Variants in TMPRSS9 observed in about 807,000 individuals in gnomAD.
TMPRSS9 encodes the protein transmembrane protease serine 9.
A neutral mutation model predicts 111.4 loss-of-function variants in TMPRSS9; 113 were observed. The ratio of observed to expected loss-of-function variants is 1.01; its 90% CI spans 0.87 to 1.19. TMPRSS9 has a LOEUF of 1.19. Ranked by LOEUF, TMPRSS9 falls within the 50% of genes most tolerant of loss-of-function variation. The probability of loss-of-function intolerance (pLI) is 0.00; values close to 1 mark genes in which losing one functional copy is unlikely to be tolerated. For synonymous variants in TMPRSS9, 805 were observed against 659.1 expected (o/e 1.22, Z -3.39); for missense variants, 1,803 against 1,513.1 (o/e 1.19, Z -3.18).
At chr19:2,362,057 G>A (rs1228295433) in intron 1 of TMPRSS9, among the ~76,000 whole-genome samples, 1 of 152,006 alleles carries the variant, frequency 6.6e-6, no homozygotes, top group African/African-American at 2.4e-5. Flanking sequence ...AATTGTGTCT[G>A]TAGCTGCATA....
At chr19:2,425,409 G>T (rs1340847581) in exon 17 of TMPRSS9, 4 of 1,574,058 alleles carry the variant, frequency 2.5e-6, no homozygotes, top group Middle Eastern at 1.7e-4. Flanking sequence ...TCAGCGAGCA[G>T]ACCTGCCGCC....
intron 1 of TMPRSS9, among the ~76,000 whole-genome samples, chr19:2,363,561 C>T (rs1354090519): frequency 1.3e-5 from 2 of 151,650 alleles, no homozygotes; most frequent in African/African-American, 2.4e-5. Context: ...TCGCGTGATT[C>T]CCCGTGCATC....
At chr19:2,415,193 C>T (rs1171057946) in intron 10 of TMPRSS9, among the ~76,000 whole-genome samples, 1 of 152,056 alleles carries the variant, frequency 6.6e-6, no homozygotes. Context: ...GATCTGCCCG[C>T]CTTGGCCTCC....
upstream of TMPRSS9, among the ~76,000 whole-genome samples, chr19:2,385,320 C>T (rs72989467): frequency 0.048 from 7,367 of 151,956 alleles, 210 homozygotes; most frequent in African/African-American, 0.076. Context: ...CCTCAGGGGC[C>T]GACAGCTGCC....
rs748488574 is a variant in TMPRSS9, at chr19:2,408,605, C to T, written c.1092C>T (p.Gly364=). The T allele has an allele frequency of 1.9e-6, 3 of 1,612,686 alleles. No individual in the cohort carries two copies. In the South Asian group the frequency reaches 3.3e-5, roughly 18 times the overall value. The stretch of plus-strand genomic sequence containing the variant: ...CCAGCAAGAAGTGCCTGATCTCAGG[C>T]TGGGGCTACCTCAAGGAGGACTTCC... Residue 364 remains glycine, a synonymous_variant, in exon 8 of 18, where the codon GGC becomes GGT. Coordinates refer to ENST00000648592, the Ensembl canonical transcript of TMPRSS9.
intron 1 of TMPRSS9, among the ~76,000 whole-genome samples, chr19:2,396,019 C>A (rs1354939956): frequency 1.3e-5 from 2 of 152,142 alleles, no homozygotes; most frequent in East Asian, 3.9e-4. Flanking sequence ...AACAAACAAA[C>A]ACAAACCAAC....
intron 15 of TMPRSS9, among the ~76,000 whole-genome samples, chr19:2,424,551 C>T (rs1490811964): frequency 6.6e-6 from 1 of 151,562 alleles, no homozygotes; most frequent in African/African-American, 2.4e-5. Flanking sequence ...CCCTCCAGCT[C>T]CAGGCTAAGC....
At chr19:2,417,941 G>A (rs1022117946) in intron 12 of TMPRSS9, 61 bp from the exon 14 acceptor site, 26 of 1,599,694 alleles carry the variant, frequency 1.6e-5, no homozygotes, top group East Asian at 4.5e-5. Flanking sequence ...TTATCGGAGC[G>A]GAACTGGAGC....
intron 1 of TMPRSS9, chr19:2,396,085 C>G (rs894023454): frequency 6.4e-6 from 1 of 155,248 alleles, no homozygotes; most frequent in Non-Finnish European, 1.4e-5. Context: ...CTGATGGCCT[C>G]TGGCTGTGCT....
At chr19:2,425,232 G>A (rs1971586152) in exon 16 of TMPRSS9, 4 of 1,439,510 alleles carry the variant, frequency 2.8e-6, no homozygotes, top group Non-Finnish European at 3.6e-6. Context: ...GGCACGCGCT[G>A]CGTCATCACC....
intron 1 of TMPRSS9, among the ~76,000 whole-genome samples, chr19:2,390,697 A>T (rs1485243791): frequency 6.6e-6 from 1 of 151,472 alleles, no homozygotes; most frequent in Non-Finnish European, 1.5e-5. Flanking sequence ...CTCTACAGAA[A>T]ATACAAAAAA....
intron 4 of TMPRSS9, among the ~76,000 whole-genome samples, chr19:2,401,252 C>A (rs557343699): frequency 2.0e-5 from 3 of 151,696 alleles, no homozygotes; most frequent in South Asian, 2.1e-4. Flanking sequence ...CCAGCCTGGG[C>A]GACAGAGGGA....
chr19:2,419,910 C>G (rs1971424680), intron 13 of TMPRSS9, among the ~76,000 whole-genome samples: 1 of 152,094 alleles, frequency 6.6e-6, no homozygotes, highest in Non-Finnish European at 1.5e-5. Context: ...GCCTGTAATT[C>G]CAGTGCTTCA....
intron 1 of TMPRSS9, among the ~76,000 whole-genome samples, chr19:2,373,741 C>T (rs1012210986): frequency 1.3e-5 from 2 of 152,152 alleles, no homozygotes; most frequent in Non-Finnish European, 2.9e-5. Flanking sequence ...CTCAAGCGAT[C>T]CACCCGCCTC....
intron 4 of TMPRSS9, among the ~76,000 whole-genome samples, chr19:2,401,101 C>T (rs984831577): frequency 3.3e-5 from 5 of 151,394 alleles, no homozygotes; most frequent in East Asian, 1.9e-4. Flanking sequence ...GGTGAAACCC[C>T]GTCTCTACTA....
intron 6 of TMPRSS9, among the ~76,000 whole-genome samples, chr19:2,404,009 AG>A (rs530690657): frequency 0.058 from 8,437 of 144,956 alleles, 372 homozygotes; most frequent in African/African-American, 0.1. Flanking sequence ...AAAAAAAAAA[AG>A]AAAAAAAAAT....
chr19:2,417,757 C>T (rs1010700361), intron 12 of TMPRSS9, among the ~76,000 whole-genome samples: 2 of 152,186 alleles, frequency 1.3e-5, no homozygotes, highest in Non-Finnish European at 2.9e-5. Flanking sequence ...TGGCCTCCTA[C>T]ACCTTACCCA....
chr19:2,420,441 C>CAAAAAAA (rs575760141), intron 13 of TMPRSS9, among the ~76,000 whole-genome samples: 6 of 106,148 alleles, frequency 5.7e-5, no homozygotes, highest in Non-Finnish European at 9.7e-5. Context: ...GACTCCACCT[C>CAAAAAAA]AAAAAAAAAA....
chr19:2,398,882 G>A lies in TMPRSS9; in HGVS notation c.338+20G>A, dbSNP rs1970766805. On this transcript the variant is annotated intron_variant, in intron 3 of 17. Transcript: ENST00000648592. ...TTATAGGTGAGTTGGAGCTTCCATTGGGTGAAGGAAACTTGGTGGACATCT... is the reference window on the plus strand; with the variant it reads ...TTATAGGTGAGTTGGAGCTTCCATTAGGTGAAGGAAACTTGGTGGACATCT... The A allele has an allele frequency of 6.5e-7, 1 of 1,528,802 alleles. No individual in the cohort carries two copies. Among genetic ancestry groups the A allele is most frequent in the African/African-American group, 1.4e-5 (1 of 72,862 alleles). 94.7% of individuals were successfully genotyped at this position (1,528,802 alleles called of 1,614,324 possible).
Sources: allele counts gnomAD v4.1 joint callset (sites outside exome capture counted in the v4.1 genomes callset), GRCh38; gene constraint gnomAD v4.1.1; transcripts MANE v1.5; gene names NCBI Gene and HGNC (gene_info 2026-07-23, HGNC 2026-07-21).